Variants in LAMA3 observed in about 807,000 individuals in gnomAD.
LAMA3 encodes the protein laminin subunit alpha 3.
A neutral mutation model predicts 402.0 loss-of-function variants in LAMA3; 281 were observed. That is an observed-to-expected ratio of 0.70 (90% CI 0.63 to 0.77). LAMA3 has a LOEUF of 0.77. Ranked by LOEUF, LAMA3 falls within the 30% of genes least tolerant of loss-of-function variation. The pLI is 0.00. For missense variants in LAMA3, 3,840 were observed against 4,215.5 expected (o/e 0.91, Z 2.47); for synonymous variants, 1,431 against 1,558.4 (o/e 0.92, Z 1.93).
rs571633527 is a variant in LAMA3 at position 23,889,559 on chromosome 18, A to T, written c.5304-452A>T. On this transcript the variant is annotated intron_variant, in intron 41 of 74. Coordinates refer to ENST00000313654, the MANE Select transcript of LAMA3 (RefSeq NM_198129.4). Reference sequence around the variant, plus strand: ...CCTGGAGAACAGAGTAAGACTGTCAAGAAAGAAAAGAAAGAAAGAAAGAAA... The same window carrying T: ...CCTGGAGAACAGAGTAAGACTGTCATGAAAGAAAAGAAAGAAAGAAAGAAA... 3.3e-5 allele frequency among the ~76,000 whole-genome samples: 5 copies of T among 151,488 alleles called. No homozygotes were observed. The South Asian group carries it at 1.0e-3, about 32-fold the overall frequency.
At position 23,899,438 on chromosome 18, in the gene LAMA3, A is replaced by G; in HGVS notation, c.5987A>G (p.Lys1996Arg). 1.2e-6 allele frequency: 2 copies of G among 1,614,118 alleles called. No homozygotes were observed. The highest frequency in any genetic ancestry group is 1.1e-5 in the South Asian group (1 of 91,082). The change falls in exon 47 of 75, where the codon AAA (lysine) becomes AGA (arginine). Residue 1996 changes from lysine to arginine, a missense_variant. Lys to Arg is a conservative substitution (Grantham distance 26). This residue lies in a region of LAMA3 where 891 missense variants were observed against 857.5 expected (regional missense o/e 1.04). Transcript: ENST00000313654. Reference sequence around the variant, plus strand: ...CACCTCAGAGAAGCAGAAGCTGATAAAAGGGAGTCGCAGCTCTGTAAGAAT... The same window carrying G: ...CACCTCAGAGAAGCAGAAGCTGATAGAAGGGAGTCGCAGCTCTGTAAGAAT... Reference protein sequence around the residue: ...GKHLREAEADKRESQLLLNRI... With the variant: ...GKHLREAEADRRESQLLLNRI...
chr18:23,898,739 A>G lies in LAMA3; in HGVS notation c.5615A>G (p.Asn1872Ser), dbSNP rs2080962703. 6.5e-7 allele frequency: 1 copy of G among 1,548,972 alleles called. No homozygotes were observed. Among genetic ancestry groups the G allele is most frequent in the South Asian group, 1.1e-5 (1 of 89,780 alleles). Reference sequence around the variant, plus strand: ...CATTCATTTGTGTTTTGTTTCCAGAATCAGTTGCTCAACTACCGTTCTGCC... The same window carrying G: ...CATTCATTTGTGTTTTGTTTCCAGAGTCAGTTGCTCAACTACCGTTCTGCC... ...HMETQAKDLR[N>S]QLLNYRSAIS... is the part of the protein sequence containing the mutation. The change falls in exon 45 of 75, where the codon AAT becomes AGT. Residue 1872 changes from asparagine (N) to serine (S), a missense_variant and splice_region_variant. By Grantham distance (46) the Asn-to-Ser change is conservative. Transcript: ENST00000313654.
At chr18:23,695,269 T>G (rs1369755670) in intron 1 of LAMA3, among the ~76,000 whole-genome samples, 1 of 152,256 alleles carries the variant, frequency 6.6e-6, no homozygotes, top group Non-Finnish European at 1.5e-5. Flanking sequence ...TTTGTGCTAC[T>G]TTGTATGGCA....
chr18:23,758,469 C>T lies in LAMA3; in HGVS notation c.1021C>T (p.Arg341Cys), dbSNP rs552223605. The change falls in exon 7 of 75, where the codon CGC becomes TGC. Residue 341 changes from arginine to cysteine, a missense_variant. Physicochemically the swap from Arg to Cys is radical, Grantham distance 180. Coordinates refer to ENST00000313654, the MANE Select transcript of LAMA3 (RefSeq NM_198129.4). ...CTGCTGCACAGGGTACAATCAGAGG[C>T]GCTGGCGGCCCGCCGCTTGGGAGCA... ...DRCCTGYNQR[R>C]WRPAAWEQSH... 25 of 1,613,660 alleles carry T rather than the reference C, an allele frequency of 1.5e-5. No individual in the cohort carries two copies. The highest frequency in any genetic ancestry group is 1.7e-4 in the Middle Eastern group (1 of 6,050).
At chr18:23,933,163 G>T (rs1472894072) in intron 66 of LAMA3, among the ~76,000 whole-genome samples, 7 of 152,154 alleles carry the variant, frequency 4.6e-5, no homozygotes, top group Non-Finnish European at 1.0e-4. Flanking sequence ...CCATCATTCA[G>T]TATCATCCAG....
intron 62 of LAMA3, among the ~76,000 whole-genome samples, chr18:23,926,184 A>G (rs1296706984): frequency 6.6e-6 from 1 of 152,240 alleles, no homozygotes; most frequent in Non-Finnish European, 1.5e-5. Context: ...ATAAAATAAT[A>G]TAAAAGAGAA....
At chr18:23,700,164 G>T (rs1029160745) in intron 1 of LAMA3, among the ~76,000 whole-genome samples, 1 of 151,580 alleles carries the variant, frequency 6.6e-6, no homozygotes, top group East Asian at 1.9e-4. Context: ...CTTACTTTCG[G>T]GAATGCCCTA....
In LAMA3 at chr18:23,759,636, G is replaced by C. The variant is rs143004630; in HGVS notation, c.1063+1125G>C. On this transcript the variant is annotated intron_variant, in intron 7 of 74. Transcript: ENST00000313654. ...TGGCCAGGCTGGTCTTGAACTCCTA[G>C]CCTCTTGGGATCCACCCACCTTGGC... Among the ~76,000 whole-genome samples the C allele has an allele frequency of 2.0e-3, 307 of 152,234 alleles. 1 individual carries two copies. The highest frequency in any genetic ancestry group is 7.2e-3 in the African/African-American group (298 of 41,542).
In LAMA3 at chr18:23,879,824, C is replaced by G. The variant is rs935122567; in HGVS notation, c.5113-2112C>G. ...AGCAACACGGGTTTTGACACTCTTC[C>G]TTGATCCTCTCCTCTCACCCCTGTG... is the stretch of plus-strand genomic sequence containing the variant. On this transcript the variant is annotated intron_variant, in intron 39 of 74. Transcript: ENST00000313654. The surrounding 1 kb of genome is among the most constrained non-coding windows in gnomAD (Gnocchi z 4.2). 2.0e-5 allele frequency among the ~76,000 whole-genome samples: 3 copies of G among 152,200 alleles called. No homozygotes were observed. The highest frequency in any genetic ancestry group is 4.4e-5 in the Non-Finnish European group (3 of 68,042).
intron 2 of LAMA3, among the ~76,000 whole-genome samples, chr18:23,718,785 T>G (rs7240532): frequency 0.032 from 4,806 of 152,250 alleles, 285 homozygotes; most frequent in African/African-American, 0.11. Context: ...CCTTGTCCCA[T>G]CTCAAGGGCC....
chr18:23,813,179 G>T, intron 14 of LAMA3, 76 bp downstream of exon 14: 2 of 993,280 alleles, frequency 2.0e-6, no homozygotes, highest in South Asian at 2.7e-5. Flanking sequence ...AACAGTGTGG[G>T]CACTTCCAGA....
chr18:23,880,059 G>A (rs919949148), intron 39 of LAMA3, among the ~76,000 whole-genome samples: 1 of 152,236 alleles, frequency 6.6e-6, no homozygotes, highest in African/African-American at 2.4e-5. Context: ...TAGTTCCAAA[G>A]GACTGATGTC....
chr18:23,732,079 C>T (rs1396337288), intron 2 of LAMA3, among the ~76,000 whole-genome samples: 1 of 152,146 alleles, frequency 6.6e-6, no homozygotes, highest in African/African-American at 2.4e-5. Context: ...CAGTGCTTCC[C>T]AAACCTTAGT....
intron 12 of LAMA3, among the ~76,000 whole-genome samples, chr18:23,807,173 A>T (rs1346773434): frequency 1.3e-5 from 2 of 152,154 alleles, no homozygotes; most frequent in African/African-American, 4.8e-5. Flanking sequence ...AATTCAGAGA[A>T]TTTATTCTTA....
At chr18:23,903,686 T>C (rs923266441) in intron 49 of LAMA3, among the ~76,000 whole-genome samples, 3 of 152,228 alleles carry the variant, frequency 2.0e-5, no homozygotes. Flanking sequence ...ACATTGTGCT[T>C]TTGTAAAGGT....
chr18:23,773,548 C>T lies in LAMA3; in HGVS notation c.1234C>T (p.Pro412Ser). ...CEQCAKGYYRPYGVPVDAPDG... is the reference protein window; with the variant it reads ...CEQCAKGYYRSYGVPVDAPDG... ...ACAGTGTGCTAAGGGCTATTACCGC[C>T]CTTATGGGGTTCCAGTGGATGCCCC... is the stretch of plus-strand genomic sequence containing the variant. Residue 412 changes from proline to serine, a missense_variant, in exon 9 of 75, where the codon CCT (proline) becomes TCT (serine). Pro to Ser is a moderately conservative substitution (Grantham distance 74). Transcript: ENST00000313654. 6.3e-7 allele frequency: 1 copy of T among 1,598,564 alleles called. No homozygotes were observed. The highest frequency in any genetic ancestry group is 1.3e-5 in the African/African-American group (1 of 74,808).
intron 1 of LAMA3, among the ~76,000 whole-genome samples, chr18:23,706,667 A>C (rs1345191638): frequency 2.6e-5 from 4 of 152,078 alleles, no homozygotes; most frequent in Admixed American, 2.6e-4. Flanking sequence ...ATTGATTTGT[A>C]GGATTGTTAG....
At chr18:23,702,245 A>T (rs933919026) in intron 1 of LAMA3, among the ~76,000 whole-genome samples, 7 of 152,216 alleles carry the variant, frequency 4.6e-5, no homozygotes, top group Non-Finnish European at 1.0e-4. Context: ...GAAATATTAC[A>T]TCAATATAGA....
intron 47 of LAMA3, among the ~76,000 whole-genome samples, 168 bp from the exon 48 acceptor site, chr18:23,900,959 C>T (rs2081049469): frequency 1.3e-5 from 2 of 152,138 alleles, no homozygotes; most frequent in Non-Finnish European, 2.9e-5. Context: ...GCAACATGTA[C>T]AGTGCACATA....
Sources: gnomAD v4.1 joint callset for allele counts (sites outside exome capture counted in the v4.1 genomes callset) on GRCh38, gnomAD v4.1.1 for gene constraint, gnomAD v4.1.1 regional missense constraint, Gnocchi (gnomAD v3.1) non-coding constraint, MANE v1.5 for transcripts, NCBI Gene and HGNC (gene_info 2026-07-23, HGNC 2026-07-21) for gene names.